Variants in AGPS observed in about 807,000 individuals in gnomAD.
AGPS encodes the protein alkyldihydroxyacetonephosphate synthase, peroxisomal.
Under a neutral mutation model 90.7 loss-of-function variants are expected in AGPS, and 26 were observed. The ratio of observed to expected loss-of-function variants is 0.29; its 90% CI spans 0.21 to 0.40. The LOEUF (loss-of-function observed/expected upper bound fraction) is 0.40, where lower values mean the gene tolerates loss of function less well. AGPS is among the 10% of genes least tolerant of loss of function. The pLI, the probability that AGPS is intolerant of heterozygous loss-of-function variation, is 1.00. For missense variants in AGPS, 540 were observed against 816.1 expected (o/e 0.66, Z 4.12); for synonymous variants, 294 against 285.3 (o/e 1.03, Z -0.31).
At chr2:177,410,339 G>GTAATCTCCTAAAGGCTTCCTGA (rs1559034658) in intron 1 of AGPS, among the ~76,000 whole-genome samples, 1 of 152,182 alleles carries the variant, frequency 6.6e-6, no homozygotes, top group Non-Finnish European at 1.5e-5. Flanking sequence ...ACAGCCAGTA[G>GTAATCTCCTAAAGGCTTCCTGA]TAATCTCCTA....
intron 8 of AGPS, 62 bp from the exon 9 acceptor site, chr2:177,461,831 T>C (rs868423758): frequency 6.7e-6 from 10 of 1,498,752 alleles, no homozygotes; most frequent in Non-Finnish European, 8.2e-6. Context: ...GGAGTTAATG[T>C]GTTGAGTGCT....
chr2:177,395,172 A>G (rs904017872), intron 1 of AGPS, among the ~76,000 whole-genome samples: 1 of 152,156 alleles, frequency 6.6e-6, no homozygotes, highest in African/African-American at 2.4e-5. Flanking sequence ...GTAGATTCAC[A>G]CTCTTAGAAC....
At chr2:177,440,756 C>T (rs1164375892) in intron 5 of AGPS, among the ~76,000 whole-genome samples, 1 of 152,044 alleles carries the variant, frequency 6.6e-6, no homozygotes, top group South Asian at 2.1e-4. Context: ...AATTTTCGTA[C>T]TATCTTTGTA....
intron 10 of AGPS, among the ~76,000 whole-genome samples, chr2:177,478,510 C>T (rs1451812036): frequency 6.6e-6 from 1 of 152,098 alleles, no homozygotes; most frequent in Non-Finnish European, 1.5e-5. Flanking sequence ...TGGTTTCCTG[C>T]ATTTCTCTGA....
intron 17 of AGPS, among the ~76,000 whole-genome samples, chr2:177,518,259 C>T (rs1689077213): frequency 6.6e-6 from 1 of 151,924 alleles, no homozygotes; most frequent in South Asian, 2.1e-4. Context: ...CATGATGAAA[C>T]CCCGTCTCTA....
At chr2:177,393,423 G>C in intron 1 of AGPS, 1 of 985,404 alleles carries the variant, frequency 1.0e-6, no homozygotes, top group Non-Finnish European at 1.2e-6. Context: ...TTTCTCCGAG[G>C]AGATATAAAT....
chr2:177,504,665 C>G (rs1026634299), intron 14 of AGPS, among the ~76,000 whole-genome samples: 20 of 151,934 alleles, frequency 1.3e-4, no homozygotes, highest in African/African-American at 4.6e-4. Context: ...AACACAACTT[C>G]AGAAGAAGAA....
intron 9 of AGPS, among the ~76,000 whole-genome samples, chr2:177,464,549 A>C (rs967982395): frequency 1.3e-5 from 2 of 152,260 alleles, no homozygotes; most frequent in African/African-American, 4.8e-5. Context: ...GAAGAGTCAG[A>C]AGTCTGTGTA....
At chr2:177,494,102 ATT>A (rs1688345683) in intron 12 of AGPS, among the ~76,000 whole-genome samples, 1 of 152,186 alleles carries the variant, frequency 6.6e-6, no homozygotes, top group South Asian at 2.1e-4. Context: ...AGTTTATAGA[ATT>A]TAAATACCCT....
chr2:177,473,999 C>G (rs1477480490), intron 10 of AGPS, among the ~76,000 whole-genome samples: 2 of 152,164 alleles, frequency 1.3e-5, no homozygotes, highest in Non-Finnish European at 2.9e-5. Context: ...AAATTTAAGT[C>G]ATGATGCCTT....
rs928191722 is a variant in AGPS, at chr2:177,540,940, T to C, written c.*2745T>C. The stretch of plus-strand genomic sequence containing the variant: ...TAGTGCATAAGTGAATTTAGTCTTA[T>C]GATAAGTAACTTTGAGCTGTTTTTA... On this transcript the variant is annotated 3_prime_UTR_variant, in exon 20 of 20. Coordinates refer to ENST00000264167, the MANE Select transcript of AGPS (RefSeq NM_003659.4). 3.3e-5 allele frequency: 5 copies of C among 152,136 alleles called. No individual in the cohort carries two copies. The highest frequency in any genetic ancestry group is 5.9e-5 in the Non-Finnish European group (4 of 67,988). The allele number at this position is 152,136 out of a possible 1,614,324, so 9.4% of individuals were successfully genotyped here. A position where few individuals can be genotyped will look rare whatever the true frequency, so the allele number is the denominator to read the frequency against.
intron 10 of AGPS, among the ~76,000 whole-genome samples, chr2:177,474,734 G>T (rs911155890): frequency 4.6e-5 from 7 of 152,168 alleles, no homozygotes; most frequent in Non-Finnish European, 1.0e-4. Context: ...CACATTTAGA[G>T]CCAGTTCATT....
At chr2:177,477,353 A>G (rs866192523) in intron 10 of AGPS, among the ~76,000 whole-genome samples, 26 of 152,106 alleles carry the variant, frequency 1.7e-4, no homozygotes, top group Admixed American at 5.9e-4. Flanking sequence ...CAAACCAACA[A>G]TACATTGCTA....
intron 1 of AGPS, among the ~76,000 whole-genome samples, chr2:177,402,116 G>T (rs1317112507): frequency 6.6e-6 from 1 of 152,192 alleles, no homozygotes; most frequent in Non-Finnish European, 1.5e-5. Flanking sequence ...ATGTTAGAAG[G>T]TGATAAGTAC....
At chr2:177,398,389 TCA>T (rs1359978734) in intron 1 of AGPS, among the ~76,000 whole-genome samples, 3 of 152,226 alleles carry the variant, frequency 2.0e-5, no homozygotes, top group Admixed American at 6.5e-5. Context: ...CATTTAAATC[TCA>T]CACAACAGCT....
chr2:177,485,388 G>C (rs1688064903), intron 11 of AGPS, among the ~76,000 whole-genome samples: 2 of 152,060 alleles, frequency 1.3e-5, no homozygotes, highest in Non-Finnish European at 2.9e-5. Flanking sequence ...CATTACAATG[G>C]AAATGTTGAT....
At chr2:177,503,178 A>C (rs1456502759) in intron 14 of AGPS, among the ~76,000 whole-genome samples, 2 of 152,200 alleles carry the variant, frequency 1.3e-5, no homozygotes, top group African/African-American at 4.8e-5. Context: ...ACCTTTGAAC[A>C]CATATGACCC....
chr2:177,412,987 A>G (rs1574347839), intron 1 of AGPS, among the ~76,000 whole-genome samples: 1 of 152,156 alleles, frequency 6.6e-6, no homozygotes, highest in South Asian at 2.1e-4. Context: ...GGAGGGGTGG[A>G]AGTCAGCATC....
At chr2:177,530,549 C>T (rs1224195612) in intron 19 of AGPS, among the ~76,000 whole-genome samples, 1 of 152,188 alleles carries the variant, frequency 6.6e-6, no homozygotes, top group Non-Finnish European at 1.5e-5. Flanking sequence ...TACTGACCTT[C>T]AGGCAGTGTC....
Sources: gnomAD v4.1 joint callset for allele counts (sites outside exome capture counted in the v4.1 genomes callset) on GRCh38, gnomAD v4.1.1 for gene constraint, MANE v1.5 for transcripts, NCBI Gene and HGNC (gene_info 2026-07-23, HGNC 2026-07-21) for gene names.